KIF6: variants seen among roughly 807,000 people sequenced by gnomAD.
KIF6 encodes the protein kinesin family member 6, also known as kinesin-like protein KIF6.
KIF6 carries 106 observed loss-of-function variants against 112.7 expected under a neutral mutation model. That is an observed-to-expected ratio of 0.94 (90% CI 0.80 to 1.11). The LOEUF (loss-of-function observed/expected upper bound fraction) is 1.11, where lower values mean the gene tolerates loss of function less well. Among genes scored for constraint, KIF6 ranks in the 50% least tolerant of loss-of-function variants. The pLI is 0.00. For synonymous variants in KIF6, 339 were observed against 339.9 expected, an observed-to-expected ratio of 1.00 and a Z score of 0.03; for missense variants, 929 against 964.0, an observed-to-expected ratio of 0.96 and a Z score of 0.48.
chr6:39,543,311 G>A (rs2150567410), intron 12 of KIF6, among the ~76,000 whole-genome samples: 1 of 152,272 alleles, frequency 6.6e-6, no homozygotes, highest in South Asian at 2.1e-4. Flanking sequence ...TGGTGTAAGA[G>A]GAAGGAAAAG....
intron 6 of KIF6, among the ~76,000 whole-genome samples, chr6:39,605,669 G>A (rs961548182): frequency 6.6e-6 from 1 of 152,110 alleles, no homozygotes; most frequent in Admixed American, 6.6e-5. Context: ...ATCAAGATCA[G>A]TAACAGACAT....
chr6:39,337,239 T>TTTCTTTCTTTCTTTC (rs1763075290), intron 22 of KIF6, among the ~76,000 whole-genome samples: 13 of 93,038 alleles, frequency 1.4e-4, no homozygotes, highest in Middle Eastern at 3.8e-3. Flanking sequence ...TTCTTTCTTT[T>TTTCTTTCTTTCTTTC]TCTTTCTTTT....
At chr6:39,509,804 T>A (rs1346370859) in intron 13 of KIF6, among the ~76,000 whole-genome samples, 1 of 152,108 alleles carries the variant, frequency 6.6e-6, no homozygotes, top group Non-Finnish European at 1.5e-5. Flanking sequence ...TAGAAAACAC[T>A]CTTCAGGATA....
At chr6:39,595,983 G>T in intron 7 of KIF6, 71 bp downstream of exon 7, 1 of 1,186,516 alleles carries the variant, frequency 8.4e-7, no homozygotes, top group Non-Finnish European at 1.2e-6. Context: ...CTAATAGAAT[G>T]CCTGATACAT....
In KIF6 at chr6:39,513,550, T is replaced by C. The variant is rs116388886; in HGVS notation, c.1645+26453A>G. ...CTGGATCTTCCCACTCAGACTTCCC[T>C]CTCCATCACGTTTCCATCTAGTCTG... On this transcript the variant is annotated intron_variant, in intron 13 of 22. Transcript: ENST00000287152. 4.8e-3 allele frequency among the ~76,000 whole-genome samples: 736 copies of C among 152,326 alleles called. 5 individuals are homozygous for C. Among genetic ancestry groups the C allele is most frequent in the African/African-American group, 0.017 (690 of 41,574 alleles).
intron 22 of KIF6, among the ~76,000 whole-genome samples, chr6:39,339,338 G>A (rs2113885113): frequency 6.6e-6 from 1 of 152,318 alleles, no homozygotes; most frequent in South Asian, 2.1e-4. Context: ...GACAGACAGT[G>A]AGAGGGAGGC....
At chr6:39,619,748 G>T (rs560517456) in intron 5 of KIF6, among the ~76,000 whole-genome samples, 14 of 152,114 alleles carry the variant, frequency 9.2e-5, no homozygotes, top group Non-Finnish European at 1.9e-4. Context: ...GAGAACCAAC[G>T]CTTTCTCAGG....
chr6:39,598,148 C>A (rs938609806), intron 6 of KIF6, among the ~76,000 whole-genome samples: 1 of 152,136 alleles, frequency 6.6e-6, no homozygotes, highest in Non-Finnish European at 1.5e-5. Context: ...GATAATGCCA[C>A]TGCATTCCAG....
intron 2 of KIF6, among the ~76,000 whole-genome samples, chr6:39,719,363 G>A (rs1790071612): frequency 6.7e-6 from 1 of 150,364 alleles, no homozygotes; most frequent in South Asian, 2.1e-4. Flanking sequence ...GAGAGAGAGA[G>A]GAATAAAAAA....
At chr6:39,379,592 G>T (rs992562065) in intron 16 of KIF6, among the ~76,000 whole-genome samples, 20 of 152,238 alleles carry the variant, frequency 1.3e-4, no homozygotes, top group Non-Finnish European at 7.3e-5. Context: ...GTCAGGGAAG[G>T]CTTCACAGAG....
intron 3 of KIF6, among the ~76,000 whole-genome samples, chr6:39,699,178 C>T (rs1318001580): frequency 6.6e-6 from 1 of 151,740 alleles, no homozygotes; most frequent in Non-Finnish European, 1.5e-5. Flanking sequence ...TAACACAGCA[C>T]ATAAGTAAAT....
intron 13 of KIF6, among the ~76,000 whole-genome samples, chr6:39,526,857 T>C (rs1010717964): frequency 1.3e-5 from 2 of 152,342 alleles, no homozygotes; most frequent in East Asian, 3.9e-4. Context: ...GTGTGGTCAG[T>C]TCCAAAAGAG....
chr6:39,597,649 A>G lies in KIF6; in HGVS notation c.640-1389T>C, dbSNP rs894624166. 9.9e-5 allele frequency among the ~76,000 whole-genome samples: 15 copies of G among 152,260 alleles called. 1 individual carries two copies. The highest frequency in any genetic ancestry group is 2.9e-4 in the African/African-American group (12 of 41,480). ...AATAGATTAAAGCTTTAAGTGTGAAATAACACAACTTTAGCACCAATACCA... is the reference window on the plus strand; with the variant it reads ...AATAGATTAAAGCTTTAAGTGTGAAGTAACACAACTTTAGCACCAATACCA... On this transcript the variant is annotated intron_variant, in intron 6 of 22. Transcript: ENST00000287152.
At chr6:39,661,928 C>G (rs62403331) in intron 3 of KIF6, among the ~76,000 whole-genome samples, 14,373 of 152,162 alleles carry the variant, frequency 0.094, 746 homozygotes, top group South Asian at 0.17. Flanking sequence ...CTGGTATACT[C>G]AGCCATCCAT....
intron 13 of KIF6, among the ~76,000 whole-genome samples, chr6:39,460,852 C>T (rs1188813628): frequency 2.6e-5 from 4 of 152,240 alleles, no homozygotes; most frequent in East Asian, 3.9e-4. Flanking sequence ...TGTCCAAATG[C>T]GGTTTGTCTT....
intron 9 of KIF6, among the ~76,000 whole-genome samples, chr6:39,579,675 T>C (rs1010891225): frequency 6.6e-5 from 10 of 152,116 alleles, no homozygotes; most frequent in South Asian, 4.1e-4. Context: ...TATTCTTATA[T>C]GATCTTTTAA....
intron 13 of KIF6, among the ~76,000 whole-genome samples, chr6:39,491,429 A>T (rs1775477479): frequency 6.6e-6 from 1 of 152,156 alleles, no homozygotes; most frequent in Non-Finnish European, 1.5e-5. Context: ...AGAGCTAGCT[A>T]GCTAATCCCT....
At chr6:39,602,582 G>C (rs1257477006) in intron 6 of KIF6, among the ~76,000 whole-genome samples, 1 of 152,130 alleles carries the variant, frequency 6.6e-6, no homozygotes, top group Non-Finnish European at 1.5e-5. Flanking sequence ...AATCTCTACA[G>C]CATGCTCCAT....
intron 15 of KIF6, among the ~76,000 whole-genome samples, chr6:39,419,205 T>C (rs1186009138): frequency 6.6e-6 from 1 of 151,516 alleles, no homozygotes; most frequent in African/African-American, 2.4e-5. Context: ...ATCACAAAAA[T>C]TAGCTGGGTG....
Sources: gnomAD v4.1 joint callset for allele counts (sites outside exome capture counted in the v4.1 genomes callset) on GRCh38, gnomAD v4.1.1 for gene constraint, MANE v1.5 for transcripts, NCBI Gene and HGNC (gene_info 2026-07-23, HGNC 2026-07-21) for gene names.